The following LRRC59 variants were observed in gnomAD, a reference collection of about 807,000 sequenced individuals.
LRRC59 encodes the protein leucine-rich repeat-containing protein 59.
Under a neutral mutation model 33.5 loss-of-function variants are expected in LRRC59, and 18 were observed. The observed-to-expected ratio is 0.54, with a 90% CI of 0.37 to 0.80. The LOEUF (loss-of-function observed/expected upper bound fraction) is 0.80, where lower values mean the gene tolerates loss of function less well. Among genes scored for constraint, LRRC59 ranks in the 30% least tolerant of loss-of-function variants. The pLI is 0.00. For synonymous variants in LRRC59, 138 were observed against 160.0 expected, an observed-to-expected ratio of 0.86 and a Z score of 1.04; for missense variants, 330 against 391.9, an observed-to-expected ratio of 0.84 and a Z score of 1.33.
intron 1 of LRRC59, chr17:50,396,278 G>A (rs915121605): frequency 1.3e-5 from 2 of 152,298 alleles, no homozygotes; most frequent in East Asian, 1.9e-4. Context: ...CCCAATAAGC[G>A]TATGAGATGG....
chr17:50,388,527 G>C (rs1914065622), intron 4 of LRRC59, among the ~76,000 whole-genome samples: 1 of 151,986 alleles, frequency 6.6e-6, no homozygotes, highest in Non-Finnish European at 1.5e-5. Flanking sequence ...GGTGAAGACT[G>C]AGACCCTATC....
intron 4 of LRRC59, among the ~76,000 whole-genome samples, chr17:50,389,015 T>C (rs1914078714): frequency 6.6e-6 from 1 of 152,208 alleles, no homozygotes; most frequent in African/African-American, 2.4e-5. Context: ...GAGGAATGGC[T>C]AATTCCCATT....
intron 5 of LRRC59, 35 bp downstream of exon 5, chr17:50,388,025 C>A (rs777766578): frequency 6.2e-7 from 1 of 1,606,446 alleles, no homozygotes; most frequent in South Asian, 1.1e-5. Flanking sequence ...GGGATGAGGA[C>A]CTGAAAGATA....
At chr17:50,397,185 C>A (rs1281658214) in intron 1 of LRRC59, 28 bp downstream of exon 1, 5 of 1,509,316 alleles carry the variant, frequency 3.3e-6, no homozygotes, top group Non-Finnish European at 4.5e-6. Flanking sequence ...CGAAGGTGGG[C>A]GCCTGGGCCT....
chr17:50,382,857 C>T lies in LRRC59; in HGVS notation c.*131G>A, dbSNP rs1913901156. On this transcript the variant is annotated 3_prime_UTR_variant, in exon 7 of 7. Coordinates refer to ENST00000225972, the MANE Select transcript of LRRC59 (RefSeq NM_018509.4). ...AAGAAGTCCTACAAAGAGGAGGTCT[C>T]ATGTACCAATCTGCAGCCATTTGAT... 1 of 1,167,060 alleles carries T rather than the reference C, an allele frequency of 8.6e-7. No individual in the cohort carries two copies. The highest frequency in any genetic ancestry group is 1.6e-5 in the South Asian group (1 of 63,490). 72.3% of individuals were successfully genotyped at this position (1,167,060 alleles called of 1,614,324 possible). A position where few individuals can be genotyped will look rare whatever the true frequency, so the allele number is the denominator to read the frequency against.
intron 1 of LRRC59, chr17:50,396,955 C>A (rs186921954): frequency 2.5e-6 from 1 of 402,982 alleles, no homozygotes; most frequent in African/African-American, 2.0e-5. Context: ...GTGACAGATT[C>A]GCTTCTTAGC....
At chr17:50,387,636 A>T (rs1914042116) in intron 5 of LRRC59, among the ~76,000 whole-genome samples, 1 of 152,220 alleles carries the variant, frequency 6.6e-6, no homozygotes, top group Non-Finnish European at 1.5e-5. Flanking sequence ...CTGGAGAAAC[A>T]GTCCCACATA....
Position 50,384,728 on chromosome 17 carries a change from G to C in LRRC59, c.676+390C>G, listed in dbSNP as rs761896104. 2.0e-5 allele frequency among the ~76,000 whole-genome samples: 3 copies of C among 146,916 alleles called. No individual in the cohort carries two copies. In the Admixed American group the frequency reaches 2.1e-4, roughly 10 times the overall value. ...TGCAGTGAGCCGAGATCACGCCATTGCACTCCAGCCTGGGCAACAAGAGTG... is the reference window on the plus strand; with the variant it reads ...TGCAGTGAGCCGAGATCACGCCATTCCACTCCAGCCTGGGCAACAAGAGTG... On this transcript the variant is annotated intron_variant, in intron 6 of 6. Coordinates refer to ENST00000225972, the MANE Select transcript of LRRC59 (RefSeq NM_018509.4).
intron 5 of LRRC59, among the ~76,000 whole-genome samples, chr17:50,386,815 G>A (rs1341561047): frequency 6.6e-6 from 1 of 152,242 alleles, no homozygotes; most frequent in Non-Finnish European, 1.5e-5. Context: ...AAATCAGCCA[G>A]CCAGTCAACA....
Position 50,381,835 on chromosome 17 carries a change from G to C in LRRC59, c.*1153C>G, listed in dbSNP as rs1229380713. 1 of 152,654 alleles carries C rather than the reference G, an allele frequency of 6.6e-6. No individual in the cohort carries two copies. Among genetic ancestry groups the C allele is most frequent in the African/African-American group, 2.4e-5 (1 of 41,446 alleles). 9.5% of individuals were successfully genotyped at this position (152,654 alleles called of 1,614,324 possible). On this transcript the variant is annotated 3_prime_UTR_variant, in exon 7 of 7. Transcript: ENST00000225972. ...TGATCCTTGTTTGTGCTAGCCATTG[G>C]GTGATGCACCACTTTTCAGCTCCAT...
intron 6 of LRRC59, among the ~76,000 whole-genome samples, chr17:50,383,574 C>T (rs1913926463): frequency 6.6e-6 from 1 of 152,096 alleles, no homozygotes; most frequent in Non-Finnish European, 1.5e-5. Context: ...TGACAGAGTA[C>T]TGTCCACTTG....
At chr17:50,394,467 G>A (rs1729535431) in intron 2 of LRRC59, among the ~76,000 whole-genome samples, 1 of 152,192 alleles carries the variant, frequency 6.6e-6, no homozygotes, top group South Asian at 2.1e-4. Flanking sequence ...GGAGAATAAT[G>A]ATAAGGTAGC....
chr17:50,390,196 G>T (rs1266663267), intron 4 of LRRC59, among the ~76,000 whole-genome samples: 1 of 151,996 alleles, frequency 6.6e-6, no homozygotes, highest in Non-Finnish European at 1.5e-5. Flanking sequence ...GGGTCCCGTT[G>T]CCATGATTGC....
intron 4 of LRRC59, among the ~76,000 whole-genome samples, chr17:50,391,593 C>T (rs773864701): frequency 2.0e-5 from 3 of 152,160 alleles, no homozygotes; most frequent in Non-Finnish European, 4.4e-5. Context: ...GGGTACGGCA[C>T]CTTCCAGGCT....
intron 2 of LRRC59, among the ~76,000 whole-genome samples, chr17:50,394,054 G>T (rs1433319638): frequency 1.3e-5 from 2 of 151,732 alleles, no homozygotes; most frequent in Non-Finnish European, 2.9e-5. Flanking sequence ...CTTTTTGAAT[G>T]TTAGAAACAG....
intron 6 of LRRC59, 108 bp from the exon 7 acceptor site, chr17:50,383,343 A>C: frequency 2.9e-6 from 4 of 1,357,478 alleles, no homozygotes; most frequent in Non-Finnish European, 3.9e-6. Context: ...TCCTTCCTCA[A>C]GCAAAAACTC....
At chr17:50,385,051 T>C (rs1225137077) in intron 6 of LRRC59, 67 bp downstream of exon 6, 1 of 1,547,716 alleles carries the variant, frequency 6.5e-7, no homozygotes, top group Non-Finnish European at 8.8e-7. Context: ...CCCAGTTGTC[T>C]ATGCCTGGAA....
intron 2 of LRRC59, among the ~76,000 whole-genome samples, chr17:50,394,193 G>A (rs1357080674): frequency 6.6e-6 from 1 of 152,146 alleles, no homozygotes; most frequent in East Asian, 1.9e-4. Context: ...GCCACAGCCA[G>A]GGCCAAATAG....
chr17:50,388,485 G>GA (rs1271166058), intron 4 of LRRC59, among the ~76,000 whole-genome samples: 1 of 152,182 alleles, frequency 6.6e-6, no homozygotes, highest in Admixed American at 6.5e-5. Flanking sequence ...AGGCTGCAGT[G>GA]AGCTGTGGTC....
Sources: gnomAD v4.1 joint callset for allele counts (sites outside exome capture counted in the v4.1 genomes callset) on GRCh38, gnomAD v4.1.1 for gene constraint, MANE v1.5 for transcripts, NCBI Gene and HGNC (gene_info 2026-07-23, HGNC 2026-07-21) for gene names.